The following IQSEC1 variants were observed in gnomAD, a reference collection of about 807,000 sequenced individuals.
IQSEC1 encodes IQ motif and Sec7 domain ArfGEF 1, also known as IQ motif and SEC7 domain-containing protein 1.
In IQSEC1, 31 loss-of-function variants were observed where a neutral mutation model predicts 91.0. The observed-to-expected ratio is 0.34, with a 90% CI of 0.26 to 0.46. The LOEUF is 0.46. Among genes scored for constraint, IQSEC1 ranks in the 20% least tolerant of loss-of-function variants. IQSEC1 has a pLI of 1.00. For synonymous variants in IQSEC1, 699 were observed against 662.6 expected (o/e 1.05, Z -0.84); for missense variants, 1,388 against 1,575.6 (o/e 0.88, Z 2.02).
At chr3:13,079,110 A>G (rs570355014) in intron 2 of IQSEC1, among the ~76,000 whole-genome samples, 1 of 152,326 alleles carries the variant, frequency 6.6e-6, no homozygotes, top group South Asian at 2.1e-4. Context: ...TTGGGGTGCC[A>G]GACAGGATAG....
chr3:13,062,856 G>C (rs1705113751), intron 1 of IQSEC1, among the ~76,000 whole-genome samples: 1 of 152,202 alleles, frequency 6.6e-6, no homozygotes, highest in Non-Finnish European at 1.5e-5. Flanking sequence ...GGGACATCTT[G>C]ATGAGGGATG....
In IQSEC1 at chr3:12,970,401, G is replaced by A. The variant is rs1700834251; in HGVS notation, c.24-28536C>T. The stretch of plus-strand genomic sequence containing the variant: ...TCACCCCATGTTTTAGTCCTGAGCT[G>A]CTTGCCTTGGCCCATTTCACATGCT... On this transcript the variant is annotated intron_variant, in intron 1 of 13. Coordinates refer to ENST00000613206, the MANE Select transcript of IQSEC1 (RefSeq NM_001134382.3). The surrounding 1 kb of genome is among the most constrained non-coding windows in gnomAD (Gnocchi z 4.4). 6.6e-6 allele frequency among the ~76,000 whole-genome samples: 1 copy of A among 152,142 alleles called. No individual in the cohort carries two copies. The highest frequency in any genetic ancestry group is 6.5e-5 in the Admixed American group (1 of 15,274).
At chr3:13,012,119 T>C (rs1702910929) in intron 1 of IQSEC1, among the ~76,000 whole-genome samples, 1 of 152,194 alleles carries the variant, frequency 6.6e-6, no homozygotes, top group African/African-American at 2.4e-5. Flanking sequence ...CTCTTTTCCT[T>C]ACAGCCTTGC....
intron 1 of IQSEC1, among the ~76,000 whole-genome samples, chr3:12,945,547 A>T (rs900089699): frequency 5.3e-5 from 8 of 150,534 alleles, no homozygotes; most frequent in Non-Finnish European, 1.2e-4. Flanking sequence ...AAAAAAAAAA[A>T]TCAAACCCAA....
intron 1 of IQSEC1, among the ~76,000 whole-genome samples, chr3:13,221,786 C>G (rs1164812701): frequency 6.6e-6 from 1 of 152,264 alleles, no homozygotes; most frequent in African/African-American, 2.4e-5. Context: ...GCCACAAAAC[C>G]GGGAACTCCC....
At chr3:12,903,774 GAA>G (rs1694649417) in intron 12 of IQSEC1, among the ~76,000 whole-genome samples, 1 of 152,214 alleles carries the variant, frequency 6.6e-6, no homozygotes, top group African/African-American at 2.4e-5. Flanking sequence ...GAGGGAGAGA[GAA>G]ACAGTCCTCC....
intron 1 of IQSEC1, among the ~76,000 whole-genome samples, chr3:13,002,833 T>C (rs1436154033): frequency 6.6e-6 from 1 of 151,862 alleles, no homozygotes. Flanking sequence ...CAATAACAAA[T>C]GTGGGACAGG....
intron 1 of IQSEC1, among the ~76,000 whole-genome samples, chr3:12,996,216 T>C (rs1180445718): frequency 6.6e-6 from 1 of 152,162 alleles, no homozygotes; most frequent in African/African-American, 2.4e-5. Flanking sequence ...ATGCTTGTAG[T>C]TTTAATATTT....
At chr3:13,122,558 C>T (rs1267521564) in intron 2 of IQSEC1, among the ~76,000 whole-genome samples, 2 of 152,246 alleles carry the variant, frequency 1.3e-5, no homozygotes, top group East Asian at 1.9e-4. Flanking sequence ...TAAACTCCAC[C>T]CCAGGAGACA....
chr3:12,908,614 C>T lies in IQSEC1; in HGVS notation c.2579-89G>A. On this transcript the variant is annotated intron_variant, in intron 11 of 13. Transcript: ENST00000613206. This position sits in a 1 kb window ranked among gnomAD's most constrained non-coding sequence, Gnocchi z 4.9. Reference sequence around the variant, plus strand: ...GCCTTCTGCTTGGAGCTAGCACTGTCCTGAGCCACCATCTGCTTGGAATGG... The same window carrying T: ...GCCTTCTGCTTGGAGCTAGCACTGTTCTGAGCCACCATCTGCTTGGAATGG... 2.9e-6 allele frequency: 4 copies of T among 1,377,548 alleles called. No individual in the cohort carries two copies. The highest frequency in any genetic ancestry group is 3.0e-6 in the Non-Finnish European group (3 of 987,566). 85.3% of individuals were successfully genotyped at this position (1,377,548 alleles called of 1,614,324 possible).
intron 1 of IQSEC1, among the ~76,000 whole-genome samples, chr3:13,246,549 CA>C (rs534721633): frequency 1.3e-5 from 2 of 152,046 alleles, no homozygotes; most frequent in Non-Finnish European, 2.9e-5. Flanking sequence ...AACAAAAAAG[CA>C]AAAAACCCCA....
At chr3:12,985,829 T>C (rs1701709242) in intron 1 of IQSEC1, among the ~76,000 whole-genome samples, 1 of 152,208 alleles carries the variant, frequency 6.6e-6, no homozygotes, top group African/African-American at 2.4e-5. Flanking sequence ...TGTTTAAGAT[T>C]TTCATCATGG....
chr3:12,945,541 A>AG (rs1412827834), intron 1 of IQSEC1, among the ~76,000 whole-genome samples: 1 of 152,078 alleles, frequency 6.6e-6, no homozygotes, highest in African/African-American at 2.4e-5. Context: ...AAAAAAAAAA[A>AG]AAAAAATCAA....
chr3:13,219,597 G>A (rs551246917), intron 1 of IQSEC1, among the ~76,000 whole-genome samples: 35 of 152,376 alleles, frequency 2.3e-4, no homozygotes, highest in African/African-American at 7.9e-4. Context: ...GATCAGCGGA[G>A]GTGTGAAAGT....
At chr3:13,044,190 T>C (rs1414840207) in intron 1 of IQSEC1, among the ~76,000 whole-genome samples, 1 of 152,184 alleles carries the variant, frequency 6.6e-6, no homozygotes, top group Admixed American at 6.5e-5. Flanking sequence ...AGAGCAATGG[T>C]TCTCAACCAG....
chr3:13,117,442 C>T (rs1280837071), intron 2 of IQSEC1, among the ~76,000 whole-genome samples: 1 of 151,028 alleles, frequency 6.6e-6, no homozygotes, highest in Admixed American at 6.6e-5. Context: ...AAAAATTAAC[C>T]GGGCGTGGTG....
At chr3:13,199,056 A>G (rs972450227) in intron 1 of IQSEC1, among the ~76,000 whole-genome samples, 2 of 152,190 alleles carry the variant, frequency 1.3e-5, no homozygotes, top group Admixed American at 1.3e-4. Context: ...GGGTGTGGTC[A>G]GTCACTCCTG....
At chr3:13,026,645 G>A (rs1703623568) in intron 1 of IQSEC1, among the ~76,000 whole-genome samples, 2 of 152,142 alleles carry the variant, frequency 1.3e-5, no homozygotes, top group Admixed American at 1.3e-4. Context: ...TCATTTCTCT[G>A]GATGATACAC....
chr3:13,229,629 C>A (rs1400632337), intron 1 of IQSEC1, among the ~76,000 whole-genome samples: 1 of 152,210 alleles, frequency 6.6e-6, no homozygotes, highest in Admixed American at 6.5e-5. Context: ...GAGATCTGAG[C>A]TGGCAGGTGG....
Sources: allele counts gnomAD v4.1 joint callset (sites outside exome capture counted in the v4.1 genomes callset), GRCh38; gene constraint gnomAD v4.1.1; non-coding constraint Gnocchi (gnomAD v3.1); transcripts MANE v1.5; gene names NCBI Gene and HGNC (gene_info 2026-07-23, HGNC 2026-07-21).